Variants in A2ML1 observed in about 807,000 individuals in gnomAD.
A2ML1 encodes the protein alpha-2-macroglobulin like 1, also known as alpha-2-macroglobulin-like protein 1.
A neutral mutation model predicts 181.9 loss-of-function variants in A2ML1; 161 were observed. That is an observed-to-expected ratio of 0.89 (90% CI 0.78 to 1.01). The LOEUF is 1.01. A2ML1 is among the 50% of genes least tolerant of loss of function. The pLI, the probability that A2ML1 is intolerant of heterozygous loss-of-function variation, is 0.00. For synonymous variants in A2ML1, 663 were observed against 666.8 expected (o/e 0.99, Z 0.09); for missense variants, 1,670 against 1,768.1 (o/e 0.94, Z 1.00).
chr12:8,884,330 G>A (rs1944901058), intron 7 of A2ML1, among the ~76,000 whole-genome samples: 1 of 148,110 alleles, frequency 6.8e-6, no homozygotes, highest in African/African-American at 2.5e-5. Flanking sequence ...AGGTAAACAC[G>A]TGTCGCGGGG....
At chr12:8,838,197 T>C (rs1024249070) in intron 8 of A2ML1, 139 bp from the exon 9 acceptor site, 23 of 557,072 alleles carry the variant, frequency 4.1e-5, no homozygotes, top group Non-Finnish European at 6.4e-5. Flanking sequence ...GTATACTTCA[T>C]GTTGTAGGAG....
chr12:8,873,130 C>T (rs1234037246), intron 33 of A2ML1, among the ~76,000 whole-genome samples: 2 of 152,128 alleles, frequency 1.3e-5, no homozygotes, highest in East Asian at 3.9e-4. Context: ...CTCGGGGATC[C>T]CTGGAGTAGG....
Position 8,843,319 on chromosome 12 carries a change from G to T in A2ML1, c.1434G>T (p.Pro478=). ...TGCTGGTGGATTATTACATCGACCC[G>T]GCCGATGCAAGCCCTGACCAAGAGA... ...QEVLVDYYID[P]ADASPDQEIS... is the part of the protein sequence containing the mutation. Residue 478 remains proline, a synonymous_variant, in exon 12 of 36, where the codon CCG becomes CCT. Transcript: ENST00000299698. 1 of 1,613,786 alleles carries T rather than the reference G, an allele frequency of 6.2e-7. No individual in the cohort carries two copies. The highest frequency in any genetic ancestry group is 1.1e-5 in the South Asian group (1 of 91,078).
At chr12:8,869,099 C>A in intron 32 of A2ML1, 36 bp from the exon 33 acceptor site, 4 of 1,607,358 alleles carry the variant, frequency 2.5e-6, no homozygotes, top group Non-Finnish European at 3.4e-6. Context: ...AAGGCTCTGG[C>A]TCTTAGTATC....
intron 14 of A2ML1, among the ~76,000 whole-genome samples, chr12:8,846,529 A>C (rs1943692601): frequency 6.6e-6 from 1 of 152,010 alleles, no homozygotes; most frequent in South Asian, 2.1e-4. Context: ...ACATAGCAAG[A>C]TCCTGTCTGT....
chr12:8,840,934 G>A (rs1242980219), intron 10 of A2ML1, among the ~76,000 whole-genome samples: 78 of 139,480 alleles, frequency 5.6e-4, no homozygotes, highest in Admixed American at 2.7e-3. Context: ...AAGGAAGGAA[G>A]AAAGGAAGGA....
At chr12:8,824,330 G>GT (rs1334282409) in intron 3 of A2ML1, among the ~76,000 whole-genome samples, 7 of 147,562 alleles carry the variant, frequency 4.7e-5, no homozygotes, top group African/African-American at 1.2e-4. Context: ...CTATGTTTGG[G>GT]TTTTTTTTAT....
chr12:8,860,948 A>G lies in A2ML1; in HGVS notation c.3332A>G (p.Asp1111Gly). The change falls in exon 27 of 36, where the codon GAT becomes GGT. Residue 1111 changes from aspartate (D) to glycine (G), a missense_variant. Transcript: ENST00000299698. ...VTAALLEMGKDVDDPMVSQGL... is the reference protein window; with the variant it reads ...VTAALLEMGKGVDDPMVSQGL... Reference sequence around the variant, plus strand: ...GCTGCATTGCTGGAGATGGGAAAGGATGTAGATGTAAGTTCTCCTGGCTCC... The same window carrying G: ...GCTGCATTGCTGGAGATGGGAAAGGGTGTAGATGTAAGTTCTCCTGGCTCC... 1 of 1,614,000 alleles carries G rather than the reference A, an allele frequency of 6.2e-7. No homozygotes were observed. The highest frequency in any genetic ancestry group is 8.5e-7 in the Non-Finnish European group (1 of 1,180,022).
At chr12:8,863,727 T>G in intron 28 of A2ML1, 67 bp from the exon 29 acceptor site, 10 of 1,518,270 alleles carry the variant, frequency 6.6e-6, no homozygotes, top group Non-Finnish European at 9.1e-6. Context: ...GATGCTGCAT[T>G]TACAAAGTGA....
intron 29 of A2ML1, among the ~76,000 whole-genome samples, chr12:8,866,244 G>A (rs911529288): frequency 4.3e-5 from 6 of 138,004 alleles, no homozygotes; most frequent in East Asian, 2.1e-4. Flanking sequence ...GGCAGAGCTT[G>A]CAGTGAGCCA....
intron 7 of A2ML1, among the ~76,000 whole-genome samples, chr12:8,882,397 C>G (rs996762927): frequency 2.0e-5 from 3 of 152,066 alleles, no homozygotes; most frequent in Non-Finnish European, 2.9e-5. Context: ...GAAAAGAATC[C>G]TACTTTTTTT....
chr12:8,823,204 G>T lies in A2ML1; in HGVS notation c.85G>T (p.Ala29Ser). ...TAGAAACTACCTGGTGACATTACCAGCCCGGCTAAATTTCCCCTCCGTTCA... is the reference window on the plus strand; with the variant it reads ...TAGAAACTACCTGGTGACATTACCATCCCGGCTAAATTTCCCCTCCGTTCA... ...ELPNYLVTLP[A>S]RLNFPSVQKV... Residue 29 changes from alanine to serine, a missense_variant, in exon 2 of 36, where the codon GCC becomes TCC. Physicochemically the swap from Ala to Ser is moderately conservative, Grantham distance 99 (BLOSUM62 1). Transcript: ENST00000299698. The T allele has an allele frequency of 6.2e-7, 1 of 1,613,854 alleles. No individual in the cohort carries two copies. The highest frequency in any genetic ancestry group is 8.5e-7 in the Non-Finnish European group (1 of 1,179,952).
At chr12:8,823,081 T>G in intron 1 of A2ML1, 101 bp from the exon 2 acceptor site, 1 of 1,174,490 alleles carries the variant, frequency 8.5e-7, no homozygotes. Flanking sequence ...AGGGGCTTGG[T>G]CTGTCTAATT....
At chr12:8,882,577 G>A (rs1218062361) in intron 7 of A2ML1, among the ~76,000 whole-genome samples, 1 of 152,054 alleles carries the variant, frequency 6.6e-6, no homozygotes, top group Non-Finnish European at 1.5e-5. Flanking sequence ...CCACCCCTAT[G>A]TCTATTATTT....
At chr12:8,875,505 A>C (rs1944773210) in intron 35 of A2ML1, 1 of 151,468 alleles carries the variant, frequency 6.6e-6, no homozygotes. Context: ...GCGTGATCTC[A>C]GCTCACTGCA....
rs767781220 is a variant in A2ML1 at position 8,867,846 on chromosome 12, C to T, written c.3722C>T (p.Thr1241Ile). 1 of 1,613,994 alleles carries T rather than the reference C, an allele frequency of 6.2e-7. No homozygotes were observed. Among genetic ancestry groups the T allele is most frequent in the Non-Finnish European group, 8.5e-7 (1 of 1,179,834 alleles). ...AYGGFSSTQD[T>I]VVALQALAKY... ...ACGTTTGGTTGTTTCCCTCAGGATACTGTAGTTGCTCTCCAAGCTCTTGCC... is the reference window on the plus strand; with the variant it reads ...ACGTTTGGTTGTTTCCCTCAGGATATTGTAGTTGCTCTCCAAGCTCTTGCC... Residue 1241 changes from threonine (T) to isoleucine (I), a missense_variant, in exon 30 of 36, where the codon ACT becomes ATT. By Grantham distance (89) the Thr-to-Ile change is moderately conservative. Transcript: ENST00000299698.
intron 3 of A2ML1, among the ~76,000 whole-genome samples, chr12:8,827,925 C>T (rs534734703): frequency 2.6e-5 from 4 of 152,202 alleles, no homozygotes; most frequent in Non-Finnish European, 5.9e-5. Flanking sequence ...CAGGAGGAGA[C>T]TCCTGTTCTC....
chr12:8,848,164 A>G (rs1003502320), intron 15 of A2ML1, among the ~76,000 whole-genome samples: 18 of 151,352 alleles, frequency 1.2e-4, no homozygotes, highest in African/African-American at 4.4e-4. Flanking sequence ...CAAAAAAAGA[A>G]AGGATAAGAG....
At chr12:8,870,199 T>A (rs1163540700) in intron 33 of A2ML1, among the ~76,000 whole-genome samples, 1 of 152,132 alleles carries the variant, frequency 6.6e-6, no homozygotes, top group Non-Finnish European at 1.5e-5. Context: ...ACCAACCCCA[T>A]CATCTAACTG....
Sources: allele counts gnomAD v4.1 joint callset (sites outside exome capture counted in the v4.1 genomes callset), GRCh38; gene constraint gnomAD v4.1.1; transcripts MANE v1.5; gene names NCBI Gene and HGNC (gene_info 2026-07-23, HGNC 2026-07-21).